The following HS3ST2 variants were observed in gnomAD, a reference collection of about 807,000 sequenced individuals.
HS3ST2 encodes the protein heparan sulfate-glucosamine 3-sulfotransferase 2, also known as heparan sulfate glucosamine 3-O-sulfotransferase 2.
A neutral mutation model predicts 26.3 loss-of-function variants in HS3ST2; 17 were observed. The observed-to-expected ratio is 0.65, with a 90% CI of 0.44 to 0.97. HS3ST2 has a LOEUF of 0.97. Among genes scored for constraint, HS3ST2 ranks in the 50% least tolerant of loss-of-function variants. The pLI is 0.00. For missense variants in HS3ST2, 402 were observed against 501.2 expected (o/e 0.80, Z 1.89); for synonymous variants, 237 against 219.2 (o/e 1.08, Z -0.72).
At chr16:22,861,173 G>A (rs117404109) in intron 1 of HS3ST2, among the ~76,000 whole-genome samples, 1,869 of 152,092 alleles carry the variant, frequency 0.012, 19 homozygotes, top group Middle Eastern at 0.024. Context: ...CACTATACTC[G>A]GCCTATAAAT....
intron 1 of HS3ST2, among the ~76,000 whole-genome samples, chr16:22,836,185 A>G (rs1343487577): frequency 1.3e-5 from 2 of 152,224 alleles, no homozygotes; most frequent in African/African-American, 2.4e-5. Flanking sequence ...TAATCCTCAT[A>G]AAACTCTGGT....
chr16:22,870,182 C>T (rs1901815112), intron 1 of HS3ST2, among the ~76,000 whole-genome samples: 1 of 152,120 alleles, frequency 6.6e-6, no homozygotes, highest in African/African-American at 2.4e-5. Flanking sequence ...CGCTGCCCTC[C>T]TCTGACTCGC....
intron 1 of HS3ST2, among the ~76,000 whole-genome samples, chr16:22,873,750 G>A (rs943016116): frequency 2.0e-5 from 3 of 152,172 alleles, no homozygotes; most frequent in African/African-American, 7.2e-5. Flanking sequence ...TCTACCGACT[G>A]GCAGTTTGGC....
chr16:22,888,330 T>C (rs946828999), intron 1 of HS3ST2, among the ~76,000 whole-genome samples: 1 of 151,830 alleles, frequency 6.6e-6, no homozygotes, highest in African/African-American at 2.4e-5. Flanking sequence ...CTGTGTAATC[T>C]CACAGATACA....
intron 1 of HS3ST2, among the ~76,000 whole-genome samples, chr16:22,911,663 C>T (rs1902426140): frequency 1.3e-5 from 2 of 152,184 alleles, no homozygotes; most frequent in South Asian, 2.1e-4. Flanking sequence ...CACACTCTGC[C>T]TTCATCTTCA....
chr16:22,878,993 G>C (rs1051084723), intron 1 of HS3ST2, among the ~76,000 whole-genome samples: 5 of 152,226 alleles, frequency 3.3e-5, no homozygotes, highest in Non-Finnish European at 7.3e-5. Context: ...TTTGCCGAAA[G>C]CCCTGTCTAC....
chr16:22,882,655 C>A (rs926712465), intron 1 of HS3ST2, among the ~76,000 whole-genome samples: 1 of 152,032 alleles, frequency 6.6e-6, no homozygotes. Flanking sequence ...TGCTTGAACC[C>A]AGGAGGCAGA....
At chr16:22,868,862 A>G (rs1596620159) in intron 1 of HS3ST2, among the ~76,000 whole-genome samples, 1 of 152,232 alleles carries the variant, frequency 6.6e-6, no homozygotes, top group African/African-American at 2.4e-5. Flanking sequence ...TTTTTAAAAT[A>G]CATGGACCCA....
At chr16:22,826,065 G>T (rs1901081420) in intron 1 of HS3ST2, among the ~76,000 whole-genome samples, 1 of 152,162 alleles carries the variant, frequency 6.6e-6, no homozygotes, top group South Asian at 2.1e-4. Context: ...AGTTCCACAT[G>T]AATTTATTGG....
chr16:22,854,243 G>T (rs1260326031), intron 1 of HS3ST2, among the ~76,000 whole-genome samples: 1 of 152,126 alleles, frequency 6.6e-6, no homozygotes, highest in African/African-American at 2.4e-5. Flanking sequence ...AAAGTCTGAG[G>T]CCAGGCTGAC....
rs376148001 is a variant in HS3ST2, at chr16:22,873,606, C to A, written c.486-41338C>A. On this transcript the variant is annotated intron_variant, in intron 1 of 1. Coordinates refer to ENST00000261374, the MANE Select transcript of HS3ST2 (RefSeq NM_006043.2). ...GTTGTGGGCAGATATCCTAGTCTAC[C>A]AGGATTAAGCCTAGTCTATCCTGGT... 7.2e-5 allele frequency among the ~76,000 whole-genome samples: 11 copies of A among 152,270 alleles called. No homozygotes were observed. The East Asian group carries it at 7.7e-4, about 11-fold the overall frequency.
intron 1 of HS3ST2, among the ~76,000 whole-genome samples, chr16:22,830,707 T>C (rs1229330388): frequency 6.6e-6 from 1 of 152,202 alleles, no homozygotes; most frequent in Non-Finnish European, 1.5e-5. Flanking sequence ...GGCCAACCTG[T>C]CTACAACCTC....
At chr16:22,867,510 A>T (rs899718159) in intron 1 of HS3ST2, among the ~76,000 whole-genome samples, 1 of 152,260 alleles carries the variant, frequency 6.6e-6, no homozygotes, top group African/African-American at 2.4e-5. Context: ...GATTTATGAC[A>T]TATAAACAAG....
intron 1 of HS3ST2, among the ~76,000 whole-genome samples, chr16:22,820,576 A>G (rs1900977393): frequency 6.6e-6 from 1 of 152,206 alleles, no homozygotes; most frequent in Non-Finnish European, 1.5e-5. Context: ...AAAAGGGGAA[A>G]CTCCGTAAAA....
chr16:22,862,243 G>A (rs965013629), intron 1 of HS3ST2, among the ~76,000 whole-genome samples: 1 of 149,408 alleles, frequency 6.7e-6, no homozygotes, highest in African/African-American at 2.5e-5. Context: ...GTGTGGGTGT[G>A]TGTCTCATTC....
intron 1 of HS3ST2, among the ~76,000 whole-genome samples, chr16:22,871,701 A>G (rs1397311471): frequency 1.3e-5 from 2 of 152,154 alleles, no homozygotes; most frequent in Non-Finnish European, 2.9e-5. Flanking sequence ...TGCTCAATAA[A>G]TATTTGATGA....
intron 1 of HS3ST2, among the ~76,000 whole-genome samples, chr16:22,832,998 C>T (rs71378485): frequency 0.12 from 18,802 of 152,012 alleles, 1,288 homozygotes; most frequent in South Asian, 0.22. Context: ...CTACCCTGGA[C>T]TGTTGATACC....
At chr16:22,867,824 A>G (rs958035348) in intron 1 of HS3ST2, among the ~76,000 whole-genome samples, 2 of 152,246 alleles carry the variant, frequency 1.3e-5, no homozygotes, top group African/African-American at 4.8e-5. Context: ...TTTCAAGGAA[A>G]TAAAGGGTAT....
In HS3ST2 at chr16:22,916,135, C is replaced by T. The variant is rs1018462803; in HGVS notation, c.*573C>T. ...ACAGACCCTTTGGTGATGAAATAAA[C>T]CAGTGACTTCAGAGCCTATGGTCTC... On this transcript the variant is annotated 3_prime_UTR_variant, in exon 2 of 2. Transcript: ENST00000261374. 1.3e-5 allele frequency: 2 copies of T among 154,066 alleles called. No homozygotes were observed. The highest frequency in any genetic ancestry group is 4.8e-5 in the African/African-American group (2 of 41,470). 9.5% of individuals were successfully genotyped at this position (154,066 alleles called of 1,614,324 possible).
Sources: allele counts gnomAD v4.1 joint callset (sites outside exome capture counted in the v4.1 genomes callset), GRCh38; gene constraint gnomAD v4.1.1; transcripts MANE v1.5; gene names NCBI Gene and HGNC (gene_info 2026-07-23, HGNC 2026-07-21).